Variants in QSER1 observed in about 807,000 individuals in gnomAD.
The protein encoded by QSER1 is glutamine and serine-rich protein 1.
QSER1 carries 49 observed loss-of-function variants against 158.5 expected under a neutral mutation model. The ratio of observed to expected loss-of-function variants is 0.31; its 90% CI spans 0.25 to 0.39. The LOEUF (loss-of-function observed/expected upper bound fraction) is 0.39. Among genes scored for constraint, QSER1 ranks in the 10% least tolerant of loss-of-function variants. The pLI is 1.00. For synonymous variants in QSER1, 650 were observed against 715.5 expected, an observed-to-expected ratio of 0.91 and a Z score of 1.46; for missense variants, 1,754 against 2,010.3, an observed-to-expected ratio of 0.87 and a Z score of 2.44.
intron 1 of QSER1, among the ~76,000 whole-genome samples, chr11:32,898,151 A>G (rs1204616831): frequency 6.6e-6 from 1 of 152,230 alleles, no homozygotes; most frequent in Non-Finnish European, 1.5e-5. Flanking sequence ...AAGCCTTTCC[A>G]TGGCTACTCC....
chr11:32,909,824 G>C (rs559303450), intron 1 of QSER1, among the ~76,000 whole-genome samples: 129 of 152,224 alleles, frequency 8.5e-4, no homozygotes, highest in African/African-American at 3.1e-3. Flanking sequence ...TGTATGGGGG[G>C]GGTGTGGTCA....
chr11:32,934,506 TACCA>T lies in QSER1; in HGVS notation c.3251_3254del (p.Pro1084LeufsTer3), dbSNP rs1440443611. 1 of 1,613,646 alleles carries T rather than the reference TACCA, an allele frequency of 6.2e-7. No individual in the cohort carries two copies. Among genetic ancestry groups the T allele is most frequent in the South Asian group, 1.1e-5 (1 of 91,074 alleles). ...CACATTGAAACACCTGGTCAAAATA[TACCA>T]ACTAAAGTAACTTCAGCAGTGGTTG... On this transcript the variant is annotated frameshift_variant, in exon 4 of 13. Transcript: ENST00000650167. LOFTEE classifies it high-confidence loss of function.
rs1168843143 is a variant in QSER1 at position 32,932,845 on chromosome 11, G to A, written c.1587G>A (p.Glu529=). Residue 529 remains glutamate (E), a synonymous_variant, in exon 4 of 13, where the codon GAG becomes GAA. Coordinates refer to ENST00000650167, the MANE Select transcript of QSER1 (RefSeq NM_001076786.3). Reference sequence around the variant, plus strand: ...TTAATTATTCATCTAATCAGCAAGAGGTATTGTCTTCAGTTACAAATGAGA... The same window carrying A: ...TTAATTATTCATCTAATCAGCAAGAAGTATTGTCTTCAGTTACAAATGAGA... The part of the protein sequence containing the change: ...QTLNYSSNQQ[E]VLSSVTNENY... 3 of 1,613,888 alleles carry A rather than the reference G, an allele frequency of 1.9e-6. No individual in the cohort carries two copies. In the Admixed American group the frequency reaches 5.0e-5, roughly 27 times the overall value.
chr11:32,955,419 A>G lies in QSER1; in HGVS notation c.4617+7A>G. ...ATTTGCTGCTACAAATAGTGTAAGT[A>G]AAATGCATGTTTACATTAGCCTTAT... On this transcript the variant is annotated splice_region_variant and intron_variant, in intron 6 of 12. Coordinates refer to ENST00000650167, the MANE Select transcript of QSER1 (RefSeq NM_001076786.3). 7.3e-7 allele frequency: 1 copy of G among 1,378,790 alleles called. No homozygotes were observed. The highest frequency in any genetic ancestry group is 1.0e-6 in the Non-Finnish European group (1 of 987,700). The allele number at this position is 1,378,790 out of a possible 1,614,324, so 85.4% of individuals were successfully genotyped here. A position where few individuals can be genotyped will look rare whatever the true frequency, so the allele number is the denominator to read the frequency against.
At chr11:32,925,251 G>T (rs1185513005) in intron 1 of QSER1, among the ~76,000 whole-genome samples, 1 of 152,158 alleles carries the variant, frequency 6.6e-6, no homozygotes, top group East Asian at 1.9e-4. Context: ...ACCCAGTAAT[G>T]AAATTGATGA....
chr11:32,927,607 C>T, intron 2 of QSER1, among the ~76,000 whole-genome samples: 1 of 152,086 alleles, frequency 6.6e-6, no homozygotes, highest in East Asian at 1.9e-4. Flanking sequence ...CGGGGTTTCA[C>T]CATATTGGCC....
intron 4 of QSER1, among the ~76,000 whole-genome samples, chr11:32,941,867 ATT>A (rs1183305148): frequency 1.3e-3 from 190 of 151,454 alleles, no homozygotes; most frequent in African/African-American, 4.4e-3. Context: ...AAGTGTTCCT[ATT>A]TCTCCACATC....
intron 4 of QSER1, among the ~76,000 whole-genome samples, chr11:32,936,444 C>T (rs901362112): frequency 6.6e-6 from 1 of 152,112 alleles, no homozygotes; most frequent in Admixed American, 6.6e-5. Flanking sequence ...CATTGTTGGA[C>T]ATTTGGCATA....
intron 1 of QSER1, among the ~76,000 whole-genome samples, chr11:32,894,962 T>C (rs144889585): frequency 5.8e-4 from 89 of 152,370 alleles, no homozygotes; most frequent in Non-Finnish European, 2.1e-4. Context: ...TTCTCATCAT[T>C]GAACAGCATG....
intron 4 of QSER1, among the ~76,000 whole-genome samples, chr11:32,952,120 G>A (rs985927740): frequency 1.2e-4 from 18 of 152,144 alleles, no homozygotes; most frequent in Admixed American, 7.9e-4. Flanking sequence ...GATTACAGGC[G>A]TGAGCCACTG....
At chr11:32,928,200 G>A in intron 3 of QSER1, 77 bp downstream of exon 3, 1 of 835,704 alleles carries the variant, frequency 1.2e-6, no homozygotes, top group Non-Finnish European at 1.9e-6. Context: ...CCTTGTCATT[G>A]TGGCTGGGAG....
At position 32,893,029 on chromosome 11, in the gene QSER1, C is replaced by G. The variant is rs2133477069; in HGVS notation, c.-97C>G. 6.9e-6 allele frequency: 1 copy of G among 144,888 alleles called. No homozygotes were observed. The highest frequency in any genetic ancestry group is 2.0e-4 in the South Asian group (1 of 5,004). The allele number at this position is 144,888 out of a possible 1,614,324, so 9.0% of individuals were successfully genotyped here. On this transcript the variant is annotated 5_prime_UTR_variant, in exon 1 of 13. Coordinates refer to ENST00000650167, the MANE Select transcript of QSER1 (RefSeq NM_001076786.3). This position sits in a 1 kb window ranked among gnomAD's most constrained non-coding sequence, Gnocchi z 4.7. ...GCAGCTCCCTCCACCGCCGCCGCCC[C>G]CTCTTCCTCCCCCGCCCCCTCTCCC...
chr11:32,955,320 C>A lies in QSER1; in HGVS notation c.4525C>A (p.Pro1509Thr), dbSNP rs771825150. Reference sequence around the variant, plus strand: ...GGAGGCTTTAAAAACAGGAAAAGAACCTCCAGCTATTTGGAAAGTACAAAA... The same window carrying A: ...GGAGGCTTTAAAAACAGGAAAAGAAACTCCAGCTATTTGGAAAGTACAAAA... Reference protein sequence around the residue: ...FKEALKTGKEPPAIWKVQKAL... With the variant: ...FKEALKTGKETPAIWKVQKAL... Residue 1509 changes from proline (P) to threonine (T), a missense_variant, in exon 6 of 13, where the codon CCT becomes ACT. By Grantham distance (38) the Pro-to-Thr change is conservative (BLOSUM62 -1). Transcript: ENST00000650167. 26 of 1,592,894 alleles carry A rather than the reference C, an allele frequency of 1.6e-5. No individual in the cohort carries two copies. Among genetic ancestry groups the A allele is most frequent in the Non-Finnish European group, 2.2e-5 (26 of 1,170,932 alleles).
At chr11:32,905,329 C>G (rs886812059) in intron 1 of QSER1, among the ~76,000 whole-genome samples, 18 of 152,210 alleles carry the variant, frequency 1.2e-4, no homozygotes, top group African/African-American at 3.9e-4. Flanking sequence ...AATTAGATGG[C>G]TTAACGTTTT....
At chr11:32,928,594 T>TG (rs1186503861) in intron 3 of QSER1, among the ~76,000 whole-genome samples, 8 of 152,210 alleles carry the variant, frequency 5.3e-5, no homozygotes, top group African/African-American at 1.9e-4. Context: ...TTTCCAGCAA[T>TG]AATTACAAGG....
Position 32,916,851 on chromosome 11 carries a change from A to T in QSER1, c.210-10306A>T, listed in dbSNP as rs545918764. ...GCCCAGGCTGGAGTGCAGTGGCGTGATCTCAGCTCACTGCAACCTCCACCT... is the reference window on the plus strand; with the variant it reads ...GCCCAGGCTGGAGTGCAGTGGCGTGTTCTCAGCTCACTGCAACCTCCACCT... On this transcript the variant is annotated intron_variant, in intron 1 of 12. Coordinates refer to ENST00000650167, the MANE Select transcript of QSER1 (RefSeq NM_001076786.3). Among the ~76,000 whole-genome samples the T allele has an allele frequency of 4.0e-5, 6 of 149,918 alleles. No individual in the cohort carries two copies. The South Asian group carries it at 1.3e-3, about 32-fold the overall frequency.
chr11:32,909,955 G>A (rs1038128864), intron 1 of QSER1, among the ~76,000 whole-genome samples: 34 of 152,154 alleles, frequency 2.2e-4, no homozygotes, highest in African/African-American at 1.9e-4. Flanking sequence ...ACACTCCCAT[G>A]CTTAAAAATC....
At chr11:32,897,735 ACT>A (rs1163792919) in intron 1 of QSER1, among the ~76,000 whole-genome samples, 1 of 151,876 alleles carries the variant, frequency 6.6e-6, no homozygotes, top group Non-Finnish European at 1.5e-5. Context: ...AGGACCTCAG[ACT>A]CTTCTGAAAA....
intron 4 of QSER1, among the ~76,000 whole-genome samples, chr11:32,951,553 T>G (rs1302118900): frequency 1.3e-5 from 2 of 152,208 alleles, no homozygotes; most frequent in Non-Finnish European, 2.9e-5. Context: ...CGTCTTCTCA[T>G]CCATCAACAT....
Sources: gnomAD v4.1 joint callset for allele counts (sites outside exome capture counted in the v4.1 genomes callset) on GRCh38, gnomAD v4.1.1 for gene constraint, Gnocchi (gnomAD v3.1) non-coding constraint, MANE v1.5 for transcripts, NCBI Gene and HGNC (gene_info 2026-07-23, HGNC 2026-07-21) for gene names.